The following CSMD1 variants were observed in gnomAD, a reference collection of about 807,000 sequenced individuals.
CSMD1 encodes the protein CUB and sushi domain-containing protein 1.
Under a neutral mutation model 417.5 loss-of-function variants are expected in CSMD1, and 213 were observed. The ratio of observed to expected loss-of-function variants is 0.51; its 90% CI spans 0.46 to 0.57. CSMD1 has a LOEUF of 0.57. Ranked by LOEUF, CSMD1 falls within the 20% of genes least tolerant of loss-of-function variation. The pLI is 0.00. For synonymous variants in CSMD1, 2,862 were observed against 1,736.8 expected (o/e 1.65, Z -16.11); for missense variants, 6,923 against 4,529.7 (o/e 1.53, Z -15.17).
chr8:4,058,160 C>A (rs1304362473), intron 3 of CSMD1, among the ~76,000 whole-genome samples: 1 of 152,094 alleles, frequency 6.6e-6, no homozygotes, highest in African/African-American at 2.4e-5. Context: ...CTCTTCCTAC[C>A]CATGAGCATG....
At chr8:3,833,553 T>A (rs992239989) in intron 5 of CSMD1, among the ~76,000 whole-genome samples, 1 of 152,196 alleles carries the variant, frequency 6.6e-6, no homozygotes, top group African/African-American at 2.4e-5. Flanking sequence ...TTTTGTGTCC[T>A]AAGTGGTAAT....
chr8:4,262,815 G>T (rs115429259), intron 3 of CSMD1, among the ~76,000 whole-genome samples: 2,148 of 152,224 alleles, frequency 0.014, 41 homozygotes, highest in African/African-American at 0.047. Context: ...CAGAGACAAT[G>T]AGAATTTTCT....
intron 1 of CSMD1, among the ~76,000 whole-genome samples, chr8:4,917,668 A>T (rs1806162811): frequency 6.6e-6 from 1 of 152,222 alleles, no homozygotes; most frequent in South Asian, 2.1e-4. Flanking sequence ...AATAAAAAAT[A>T]AAATAAGAGA....
At chr8:3,133,214 C>A (rs1817890791) in intron 41 of CSMD1, among the ~76,000 whole-genome samples, 1 of 152,184 alleles carries the variant, frequency 6.6e-6, no homozygotes, top group South Asian at 2.1e-4. Flanking sequence ...CCTGGGCCTT[C>A]TTGGCTGCTG....
chr8:4,671,261 A>G (rs1248970809), intron 1 of CSMD1, among the ~76,000 whole-genome samples: 1 of 152,214 alleles, frequency 6.6e-6, no homozygotes, highest in Non-Finnish European at 1.5e-5. Flanking sequence ...TTTCTTGGTG[A>G]CTATTAGGGC....
intron 7 of CSMD1, among the ~76,000 whole-genome samples, chr8:3,669,887 T>G (rs529953456): frequency 9.9e-5 from 15 of 152,268 alleles, no homozygotes; most frequent in African/African-American, 3.6e-4. Flanking sequence ...AAGCACCTCC[T>G]TCCTTCTTCT....
chr8:3,761,803 G>T (rs575330882), intron 5 of CSMD1, among the ~76,000 whole-genome samples: 35 of 152,230 alleles, frequency 2.3e-4, no homozygotes, highest in African/African-American at 7.2e-4. Flanking sequence ...ACAATGCCCA[G>T]CCAAAATTAC....
At chr8:4,437,116 C>A (rs890861542) in intron 2 of CSMD1, among the ~76,000 whole-genome samples, 1 of 152,088 alleles carries the variant, frequency 6.6e-6, no homozygotes, top group Non-Finnish European at 1.5e-5. Context: ...ACAGTTGCTA[C>A]CCAAAAGAAT....
intron 26 of CSMD1, among the ~76,000 whole-genome samples, chr8:3,250,308 G>A (rs999625779): frequency 7.6e-4 from 115 of 152,250 alleles, no homozygotes; most frequent in African/African-American, 2.5e-3. Context: ...AACATGTGGT[G>A]TTTGGTTTTT....
chr8:4,063,764 A>T (rs746267018), intron 3 of CSMD1, among the ~76,000 whole-genome samples: 2 of 152,154 alleles, frequency 1.3e-5, no homozygotes, highest in Non-Finnish European at 2.9e-5. Context: ...TCTAAATTTC[A>T]TATCTACTTC....
At chr8:3,937,091 G>T (rs1810549596) in intron 5 of CSMD1, among the ~76,000 whole-genome samples, 2 of 152,264 alleles carry the variant, frequency 1.3e-5, no homozygotes, top group South Asian at 4.1e-4. Flanking sequence ...CTGAATTGCT[G>T]CACTGTCATA....
At chr8:4,888,821 G>A (rs756267094) in intron 1 of CSMD1, among the ~76,000 whole-genome samples, 21 of 152,038 alleles carry the variant, frequency 1.4e-4, no homozygotes, top group Non-Finnish European at 2.5e-4. Context: ...AACTTGAAGA[G>A]ACTTCCAATA....
At chr8:2,951,389 G>T in intron 65 of CSMD1, 114 bp from the exon 66 acceptor site, 3 of 1,105,536 alleles carry the variant, frequency 2.7e-6, no homozygotes, top group Non-Finnish European at 3.8e-6. Context: ...GATGAGGGCA[G>T]TGATGAAGAC....
intron 21 of CSMD1, among the ~76,000 whole-genome samples, chr8:3,348,483 G>A (rs1808165360): frequency 6.6e-6 from 1 of 152,172 alleles, no homozygotes; most frequent in Non-Finnish European, 1.5e-5. Context: ...GTGTCGTCAG[G>A]TTGTCACAGC....
At chr8:4,899,453 T>G (rs1227579446) in intron 1 of CSMD1, among the ~76,000 whole-genome samples, 1 of 152,192 alleles carries the variant, frequency 6.6e-6, no homozygotes. Flanking sequence ...TAAATGTAGA[T>G]ACGCATGTCC....
intron 6 of CSMD1, among the ~76,000 whole-genome samples, chr8:3,724,477 G>T (rs1802375188): frequency 6.6e-6 from 1 of 152,014 alleles, no homozygotes; most frequent in African/African-American, 2.4e-5. Context: ...TTAAGTATTG[G>T]TAGCTATATA....
chr8:4,883,110 G>T (rs113988631), intron 1 of CSMD1, among the ~76,000 whole-genome samples: 2 of 152,110 alleles, frequency 1.3e-5, no homozygotes, highest in Non-Finnish European at 2.9e-5. Flanking sequence ...AGATTTTATA[G>T]TAAGGTGGAA....
intron 29 of CSMD1, among the ~76,000 whole-genome samples, chr8:3,218,566 T>A (rs7839831): frequency 0.27 from 33,454 of 123,742 alleles, 4,651 homozygotes; most frequent in African/African-American, 0.32. Context: ...ATCTCAAAAA[T>A]AAAAAAAAAA....
chr8:4,133,433 T>A (rs1425532735), intron 3 of CSMD1, among the ~76,000 whole-genome samples: 1 of 152,200 alleles, frequency 6.6e-6, no homozygotes, highest in African/African-American at 2.4e-5. Context: ...TAAATTTAAA[T>A]AAATGTTATC....
Sources: gnomAD v4.1 joint callset for allele counts (sites outside exome capture counted in the v4.1 genomes callset) on GRCh38, gnomAD v4.1.1 for gene constraint, MANE v1.5 for transcripts, NCBI Gene and HGNC (gene_info 2026-07-23, HGNC 2026-07-21) for gene names.